Variants in STAM2 observed in about 807,000 individuals in gnomAD.
STAM2 encodes signal transducing adaptor molecule 2.
A neutral mutation model predicts 65.6 loss-of-function variants in STAM2; 51 were observed. The ratio of observed to expected loss-of-function variants is 0.78; its 90% CI spans 0.62 to 0.98. The LOEUF (loss-of-function observed/expected upper bound fraction) is 0.98. STAM2 is among the 50% of genes least tolerant of loss of function. The probability of loss-of-function intolerance (pLI) is 0.00; values close to 1 mark genes in which losing one functional copy is unlikely to be tolerated. For synonymous variants in STAM2, 198 were observed against 208.4 expected, an observed-to-expected ratio of 0.95 and a Z score of 0.43; for missense variants, 584 against 617.8, an observed-to-expected ratio of 0.95 and a Z score of 0.58.
chr2:152,163,284 C>G (rs1363994020), intron 1 of STAM2, among the ~76,000 whole-genome samples: 1 of 152,200 alleles, frequency 6.6e-6, no homozygotes, highest in African/African-American at 2.4e-5. Flanking sequence ...TTATGACTGT[C>G]TTTACTGCAA....
intron 1 of STAM2, among the ~76,000 whole-genome samples, chr2:152,175,215 G>A (rs1356148414): frequency 6.6e-6 from 1 of 152,238 alleles, no homozygotes; most frequent in African/African-American, 2.4e-5. Context: ...GGTCTCCACT[G>A]CTGCATCATC....
At chr2:152,160,498 G>T (rs1473242546) in intron 1 of STAM2, among the ~76,000 whole-genome samples, 1 of 149,380 alleles carries the variant, frequency 6.7e-6, no homozygotes, top group Non-Finnish European at 1.5e-5. Flanking sequence ...CCCGGCAGCC[G>T]CCCCGTCTGA....
intron 1 of STAM2, among the ~76,000 whole-genome samples, chr2:152,164,085 T>C (rs1307812465): frequency 3.3e-5 from 5 of 152,182 alleles, no homozygotes; most frequent in African/African-American, 1.2e-4. Context: ...TAATAAAAAC[T>C]TGCTGATTTT....
rs917254809 is a variant in STAM2, at chr2:152,175,455, C to T, written c.40+148G>A. 14 of 1,059,964 alleles carry T rather than the reference C, an allele frequency of 1.3e-5. No individual in the cohort carries two copies. The African/African-American group carries it at 2.0e-4, about 15-fold the overall frequency. 65.7% of individuals were successfully genotyped at this position (1,059,964 alleles called of 1,614,324 possible). A position where few individuals can be genotyped will look rare whatever the true frequency, so the allele number is the denominator to read the frequency against. ...GCGCCGAGGTTGCCCCAGAAAAATC[C>T]CAACGTCGAAGGAGCGGGCGGCACC... On this transcript the variant is annotated intron_variant, in intron 1 of 13. Transcript: ENST00000263904.
chr2:152,160,935 C>T (rs1263275784), intron 1 of STAM2, among the ~76,000 whole-genome samples: 2 of 151,958 alleles, frequency 1.3e-5, no homozygotes, highest in South Asian at 2.1e-4. Flanking sequence ...CGCCTCTGCC[C>T]AGCCGCCCCT....
In STAM2 at chr2:152,133,275, G is replaced by C; in HGVS notation, c.883-15C>G. On this transcript the variant is annotated splice_polypyrimidine_tract_variant and intron_variant, in intron 9 of 13. Coordinates refer to ENST00000263904, the MANE Select transcript of STAM2 (RefSeq NM_005843.6). ...TCCATCTTATCCTAAAAAAGTAACA[G>C]GACACTTTTCAAAAACTCAAGAGTT... 6.3e-7 allele frequency: 1 copy of C among 1,591,212 alleles called. No individual in the cohort carries two copies. The highest frequency in any genetic ancestry group is 8.6e-7 in the Non-Finnish European group (1 of 1,164,444).
In STAM2 at chr2:152,148,078, T is replaced by G. The variant is rs1296215461; in HGVS notation, c.246A>C (p.Leu82Phe). Residue 82 changes from leucine to phenylalanine, a missense_variant, in exon 4 of 14, where the codon TTA becomes TTC. Physicochemically the swap from Leu to Phe is conservative, Grantham distance 22. Coordinates refer to ENST00000263904, the MANE Select transcript of STAM2 (RefSeq NM_005843.6). ...TTGCAAAATCACGGGAACATACTTC[T>G]AAATGAAATATCTTTCCACAGTTTG... is the stretch of plus-strand genomic sequence containing the variant. Reference protein sequence around the residue: ...CVANCGKIFHLEVCSRDFATE... With the variant: ...CVANCGKIFHFEVCSRDFATE... 6.2e-7 allele frequency: 1 copy of G among 1,611,136 alleles called. No individual in the cohort carries two copies. Among genetic ancestry groups the G allele is most frequent in the Non-Finnish European group, 8.5e-7 (1 of 1,178,588 alleles).
rs182552124 is a variant in STAM2, at chr2:152,118,786, T to C, written c.*1788A>G. The C allele has an allele frequency of 1.3e-5, 2 of 152,112 alleles. No individual in the cohort carries two copies. The highest frequency in any genetic ancestry group is 1.9e-4 in the East Asian group (1 of 5,190). The allele number at this position is 152,112 out of a possible 1,614,324, so 9.4% of individuals were successfully genotyped here. ...AAGTAAGGTGCCATTCAGAAGTATA[T>C]AATTGAATTAACATAAAGGAAAATA... On this transcript the variant is annotated 3_prime_UTR_variant, in exon 14 of 14. Coordinates refer to ENST00000263904, the MANE Select transcript of STAM2 (RefSeq NM_005843.6).
chr2:152,126,131 G>A (rs1328062808), intron 12 of STAM2, 95 bp downstream of exon 12: 1 of 1,044,864 alleles, frequency 9.6e-7, no homozygotes, highest in African/African-American at 1.7e-5. Context: ...TTTATTCACA[G>A]ACAAAAGAAA....
At chr2:152,140,075 G>T (rs948535505) in intron 7 of STAM2, among the ~76,000 whole-genome samples, 1 of 152,144 alleles carries the variant, frequency 6.6e-6, no homozygotes, top group Non-Finnish European at 1.5e-5. Context: ...ACTGAGAAAT[G>T]ACTCTATTTA....
At chr2:152,125,361 G>A (rs1283068348) in intron 12 of STAM2, among the ~76,000 whole-genome samples, 1 of 152,088 alleles carries the variant, frequency 6.6e-6, no homozygotes, top group Non-Finnish European at 1.5e-5. Flanking sequence ...CAATTATGTT[G>A]TGTCAAGTCA....
Position 152,120,565 on chromosome 2 carries a change from G to C in STAM2, c.*9C>G. 1 of 1,612,118 alleles carries C rather than the reference G, an allele frequency of 6.2e-7. No homozygotes were observed. Among genetic ancestry groups the C allele is most frequent in the Non-Finnish European group, 8.5e-7 (1 of 1,178,338 alleles). ...TATGAAGGCTTTCAAGAAAATGCTT[G>C]ATTTGTTTCTAAAGGAGAGGCTGCT... On this transcript the variant is annotated 3_prime_UTR_variant, in exon 14 of 14. Coordinates refer to ENST00000263904, the MANE Select transcript of STAM2 (RefSeq NM_005843.6).
At chr2:152,152,171 G>A (rs2105552900) in intron 1 of STAM2, among the ~76,000 whole-genome samples, 1 of 152,284 alleles carries the variant, frequency 6.6e-6, no homozygotes, top group African/African-American at 2.4e-5. Flanking sequence ...AAACTGCTGG[G>A]CTCAAATGAT....
At chr2:152,123,983 G>C in intron 12 of STAM2, 48 bp from the exon 13 acceptor site, 3 of 1,455,996 alleles carry the variant, frequency 2.1e-6, no homozygotes, top group Non-Finnish European at 2.9e-6. Context: ...CCAAACATGT[G>C]CCTAATAATA....
chr2:152,133,844 G>A (rs541687120), intron 8 of STAM2, among the ~76,000 whole-genome samples: 2 of 152,204 alleles, frequency 1.3e-5, no homozygotes, highest in Admixed American at 1.3e-4. Flanking sequence ...TGTTACCACT[G>A]GGGTGAATAA....
intron 13 of STAM2, 145 bp downstream of exon 13, chr2:152,123,621 G>C (rs2105527249): frequency 2.4e-6 from 2 of 819,670 alleles, no homozygotes. Flanking sequence ...AGTATGGGTA[G>C]CAAAGCTAAG....
At chr2:152,145,096 G>C (rs577152430) in intron 5 of STAM2, 139 bp from the exon 6 acceptor site, 3 of 689,494 alleles carry the variant, frequency 4.4e-6, no homozygotes, top group East Asian at 2.8e-5. Context: ...TTTTGAGACA[G>C]GGTCTCATTC....
At chr2:152,151,812 C>T (rs921801981) in intron 1 of STAM2, among the ~76,000 whole-genome samples, 6 of 152,188 alleles carry the variant, frequency 3.9e-5, no homozygotes, top group Admixed American at 2.6e-4. Context: ...ATAATGTTTG[C>T]AAGGGTCATC....
rs1347100373 is a variant in STAM2 at position 152,118,622 on chromosome 2, T to G, written c.*1952A>C. ...TACACAAACATTAAAATAAGTTTAT[T>G]AAATAGAGTTTGGGAGAAAAAAAGT... On this transcript the variant is annotated 3_prime_UTR_variant, in exon 14 of 14. Transcript: ENST00000263904. The G allele has an allele frequency of 4.6e-5, 7 of 151,742 alleles. No homozygotes were observed. The allele number at this position is 151,742 out of a possible 1,614,324, so 9.4% of individuals were successfully genotyped here. A position where few individuals can be genotyped will look rare whatever the true frequency, so the allele number is the denominator to read the frequency against.
Sources: gnomAD v4.1 joint callset for allele counts (sites outside exome capture counted in the v4.1 genomes callset) on GRCh38, gnomAD v4.1.1 for gene constraint, MANE v1.5 for transcripts, NCBI Gene and HGNC (gene_info 2026-07-23, HGNC 2026-07-21) for gene names.